The following GRM3 variants were observed in gnomAD, a reference collection of about 807,000 sequenced individuals.
The protein encoded by GRM3 is metabotropic glutamate receptor 3.
In GRM3, 26 loss-of-function variants were observed where a neutral mutation model predicts 70.5. That is an observed-to-expected ratio of 0.37 (90% CI 0.27 to 0.51). GRM3 has a LOEUF of 0.51. GRM3 is among the 20% of genes least tolerant of loss of function. The probability of loss-of-function intolerance (pLI) is 0.93; values close to 1 mark genes in which losing one functional copy is unlikely to be tolerated. For synonymous variants in GRM3, 443 were observed against 434.9 expected (o/e 1.02, Z -0.23); for missense variants, 859 against 1,123.8 (o/e 0.76, Z 3.37).
At chr7:86,787,249 T>G in intron 3 of GRM3, 133 bp downstream of exon 3, 1 of 728,448 alleles carries the variant, frequency 1.4e-6, no homozygotes, top group African/African-American at 1.8e-5. Flanking sequence ...TAACCAAATA[T>G]TCCAGGATGC....
At chr7:86,656,191 T>TTC (rs1793738543) in intron 1 of GRM3, among the ~76,000 whole-genome samples, 1 of 151,992 alleles carries the variant, frequency 6.6e-6, no homozygotes, top group Non-Finnish European at 1.5e-5. Context: ...TAGCTGGTCC[T>TTC]TCTCTCATCC....
intron 1 of GRM3, among the ~76,000 whole-genome samples, chr7:86,688,074 A>T (rs1451059716): frequency 6.6e-6 from 1 of 151,742 alleles, no homozygotes; most frequent in Non-Finnish European, 1.5e-5. Flanking sequence ...AATAAAAAAA[A>T]TCTGCATTTC....
intron 3 of GRM3, among the ~76,000 whole-genome samples, chr7:86,808,169 G>A (rs191020457): frequency 1.1e-4 from 17 of 152,078 alleles, no homozygotes; most frequent in Admixed American, 2.0e-4. Context: ...GAGGATTTTC[G>A]CATCGATGTT....
At chr7:86,673,950 C>T (rs1485418001) in intron 1 of GRM3, among the ~76,000 whole-genome samples, 1 of 152,122 alleles carries the variant, frequency 6.6e-6, no homozygotes, top group African/African-American at 2.4e-5. Flanking sequence ...TTCACGACTT[C>T]TAACCTCACC....
In GRM3 at chr7:86,762,236, A is replaced by G. The variant is rs565214165; in HGVS notation, c.-140-2770A>G. On this transcript the variant is annotated intron_variant, in intron 1 of 5. Transcript: ENST00000361669. ...GTATCAACTTTTTAAAAAAATTATT[A>G]TTATTAGACTTTCTGGTACCCTGTG... Among the ~76,000 whole-genome samples the G allele has an allele frequency of 1.1e-4, 17 of 152,234 alleles. No homozygotes were observed. The East Asian group carries it at 3.3e-3, about 29-fold the overall frequency.
At chr7:86,820,218 T>G (rs1798092516) in intron 3 of GRM3, among the ~76,000 whole-genome samples, 1 of 152,160 alleles carries the variant, frequency 6.6e-6, no homozygotes, top group African/African-American at 2.4e-5. Flanking sequence ...AGACTGGATA[T>G]TCGAAAACCA....
intron 1 of GRM3, among the ~76,000 whole-genome samples, chr7:86,722,323 T>C (rs890160306): frequency 2.0e-5 from 3 of 152,070 alleles, no homozygotes; most frequent in African/African-American, 4.8e-5. Flanking sequence ...TGCAGCACTG[T>C]TCATAATAGC....
At position 86,805,013 on chromosome 7, in the gene GRM3, T is replaced by C. The variant is rs1164567112; in HGVS notation, c.1324+17897T>C. 2.0e-5 allele frequency among the ~76,000 whole-genome samples: 3 copies of C among 151,830 alleles called. No homozygotes were observed. In the South Asian group the frequency reaches 6.2e-4, roughly 32 times the overall value. On this transcript the variant is annotated intron_variant, in intron 3 of 5. Coordinates refer to ENST00000361669, the MANE Select transcript of GRM3 (RefSeq NM_000840.3). ...CCTGTAGTCCCAGCTACCTGGGAGG[T>C]TGAGGTGGGAGGATCACTTGAGCCC...
intron 1 of GRM3, among the ~76,000 whole-genome samples, chr7:86,699,668 C>A (rs1342334269): frequency 6.6e-6 from 1 of 151,954 alleles, no homozygotes; most frequent in Non-Finnish European, 1.5e-5. Flanking sequence ...ATAAATTATA[C>A]CTTCTATCAC....
chr7:86,676,612 G>A (rs879437385), intron 1 of GRM3, among the ~76,000 whole-genome samples: 14 of 151,922 alleles, frequency 9.2e-5, no homozygotes, highest in Non-Finnish European at 1.9e-4. Flanking sequence ...ATTAAAATGG[G>A]CCCGATATTA....
At chr7:86,838,434 C>T (rs1798499183) in intron 3 of GRM3, among the ~76,000 whole-genome samples, 1 of 152,070 alleles carries the variant, frequency 6.6e-6, no homozygotes, top group African/African-American at 2.4e-5. Flanking sequence ...AGATGGGAAA[C>T]ATTTTATTGG....
intron 2 of GRM3, among the ~76,000 whole-genome samples, chr7:86,770,039 C>T (rs1032588915): frequency 3.9e-5 from 6 of 152,228 alleles, no homozygotes; most frequent in Admixed American, 3.9e-4. Flanking sequence ...CTACATGGTA[C>T]TTGTTTTGAA....
intron 1 of GRM3, among the ~76,000 whole-genome samples, chr7:86,654,717 G>T (rs994943922): frequency 1.3e-5 from 2 of 152,104 alleles, no homozygotes; most frequent in Non-Finnish European, 2.9e-5. Context: ...CTTAGCCCAG[G>T]TTATCATCAC....
At chr7:86,815,836 T>C (rs1370698320) in intron 3 of GRM3, among the ~76,000 whole-genome samples, 1 of 151,892 alleles carries the variant, frequency 6.6e-6, no homozygotes, top group Admixed American at 6.6e-5. Context: ...ACAGAAATCA[T>C]CTCTTAGTCT....
intron 1 of GRM3, among the ~76,000 whole-genome samples, chr7:86,754,498 C>T (rs1323839347): frequency 6.6e-6 from 1 of 152,170 alleles, no homozygotes; most frequent in East Asian, 1.9e-4. Flanking sequence ...CTGGAAAGAG[C>T]TGTCATTAAT....
At position 86,644,700 on chromosome 7, in the gene GRM3, A is replaced by G; in HGVS notation, c.-313A>G. 1 of 952,924 alleles carries G rather than the reference A, an allele frequency of 1.0e-6. No individual in the cohort carries two copies. The highest frequency in any genetic ancestry group is 1.5e-6 in the Non-Finnish European group (1 of 680,528). 59.0% of individuals were successfully genotyped at this position (952,924 alleles called of 1,614,324 possible). On this transcript the variant is annotated 5_prime_UTR_variant, in exon 1 of 6. Transcript: ENST00000361669. ...AGGAAGCTGCGCGCACAAGTTGGCC[A>G]TTTCGAGGGCAAAATAAGTTCTCCC...
In GRM3 at chr7:86,839,844, C is replaced by T. The variant is rs2116739379; in HGVS notation, c.2330C>T (p.Thr777Ile). ...AAGTTCATAGGTTTTACCATGTACACCACGTGCATCATCTGGTTGGCCTTC... is the reference window on the plus strand; with the variant it reads ...AAGTTCATAGGTTTTACCATGTACATCACGTGCATCATCTGGTTGGCCTTC... ...EAKFIGFTMY[T>I]TCIIWLAFLP... Residue 777 changes from threonine (T) to isoleucine (I), a missense_variant, in exon 4 of 6, where the codon ACC becomes ATC. Transcript: ENST00000361669. This position sits in a 1 kb window ranked among gnomAD's most constrained non-coding sequence, Gnocchi z 4.5. The T allele has an allele frequency of 6.2e-7, 1 of 1,613,818 alleles. No individual in the cohort carries two copies. The highest frequency in any genetic ancestry group is 8.5e-7 in the Non-Finnish European group (1 of 1,179,734).
intron 3 of GRM3, among the ~76,000 whole-genome samples, chr7:86,817,215 AG>A (rs1259396837): frequency 6.6e-6 from 1 of 151,982 alleles, no homozygotes; most frequent in Non-Finnish European, 1.5e-5. Context: ...GCTTTCTCCA[AG>A]AAACCTTAAA....
intron 1 of GRM3, among the ~76,000 whole-genome samples, chr7:86,723,716 C>T (rs1449013021): frequency 6.6e-6 from 1 of 152,120 alleles, no homozygotes; most frequent in Non-Finnish European, 1.5e-5. Context: ...AAACTGATTA[C>T]AAAATGTCAT....
Sources: allele counts gnomAD v4.1 joint callset (sites outside exome capture counted in the v4.1 genomes callset), GRCh38; gene constraint gnomAD v4.1.1; non-coding constraint Gnocchi (gnomAD v3.1); transcripts MANE v1.5; gene names NCBI Gene and HGNC (gene_info 2026-07-23, HGNC 2026-07-21).